Variants in PRLR observed in about 807,000 individuals in gnomAD.
PRLR encodes hPRL receptor.
PRLR carries 13 observed loss-of-function variants against 40.2 expected under a neutral mutation model. That is an observed-to-expected ratio of 0.32 (90% CI 0.21 to 0.51). The LOEUF is 0.51. Among genes scored for constraint, PRLR ranks in the 20% least tolerant of loss-of-function variants. PRLR has a pLI of 0.97. For missense variants in PRLR, 656 were observed against 747.3 expected, an observed-to-expected ratio of 0.88 and a Z score of 1.42; for synonymous variants, 269 against 278.7, an observed-to-expected ratio of 0.97 and a Z score of 0.35.
At chr5:35,205,900 T>C (rs568818964) in intron 1 of PRLR, among the ~76,000 whole-genome samples, 45 of 152,312 alleles carry the variant, frequency 3.0e-4, no homozygotes, top group African/African-American at 1.1e-3. Context: ...ACACATTACA[T>C]ATGCTCAGTG....
intron 1 of PRLR, among the ~76,000 whole-genome samples, chr5:35,189,028 G>A (rs1477546928): frequency 1.3e-5 from 2 of 152,086 alleles, no homozygotes; most frequent in Non-Finnish European, 2.9e-5. Flanking sequence ...GATTATGAGG[G>A]TGAGCCCTAT....
At chr5:35,199,160 CA>C (rs35281591) in intron 1 of PRLR, among the ~76,000 whole-genome samples, 15,000 of 152,098 alleles carry the variant, frequency 0.099, 934 homozygotes, top group Non-Finnish European at 0.13. Flanking sequence ...GAGGCTCATG[CA>C]GTTCCCAAAT....
chr5:35,142,531 C>A (rs1774055197), intron 1 of PRLR, among the ~76,000 whole-genome samples: 1 of 152,174 alleles, frequency 6.6e-6, no homozygotes, highest in Non-Finnish European at 1.5e-5. Context: ...CCAGTGTGAG[C>A]AGGACCATTC....
chr5:35,089,718 TCCA>T (rs1410817908), intron 2 of PRLR, 55 bp from the exon 3 acceptor site: 1 of 1,074,274 alleles, frequency 9.3e-7, no homozygotes, highest in African/African-American at 1.6e-5. Context: ...GTCAGGCACA[TCCA>T]CCACTTTATT....
downstream of PRLR, among the ~76,000 whole-genome samples, chr5:35,050,732 A>G (rs1237493493): frequency 6.6e-6 from 1 of 152,216 alleles, no homozygotes; most frequent in Non-Finnish European, 1.5e-5. Flanking sequence ...TCAATAATAG[A>G]GTCCAGTAAG....
chr5:35,186,021 A>C (rs552203001), intron 1 of PRLR, among the ~76,000 whole-genome samples: 31 of 152,164 alleles, frequency 2.0e-4, no homozygotes, highest in Non-Finnish European at 3.8e-4. Context: ...GACAGTCGCC[A>C]TATATGGATC....
intron 5 of PRLR, among the ~76,000 whole-genome samples, chr5:35,078,903 C>T (rs374539889): frequency 6.6e-6 from 1 of 152,190 alleles, no homozygotes; most frequent in Non-Finnish European, 1.5e-5. Flanking sequence ...GCTGGTTCAA[C>T]ATATGCAAAT....
intron 2 of PRLR, among the ~76,000 whole-genome samples, chr5:35,099,901 GC>G (rs1226563550): frequency 1.3e-5 from 2 of 152,232 alleles, no homozygotes; most frequent in Non-Finnish European, 2.9e-5. Context: ...TCAAGGCCAG[GC>G]ACGGTGGTTC....
At chr5:35,116,516 A>C (rs72734544) in intron 2 of PRLR, among the ~76,000 whole-genome samples, 1,979 of 152,346 alleles carry the variant, frequency 0.013, 15 homozygotes, top group Middle Eastern at 0.024. Flanking sequence ...GAGCTTTGCA[A>C]CACAGCTCTG....
intron 2 of PRLR, among the ~76,000 whole-genome samples, chr5:35,109,756 T>C (rs974991907): frequency 6.6e-6 from 1 of 152,212 alleles, no homozygotes; most frequent in Admixed American, 6.5e-5. Flanking sequence ...GGAACACTTT[T>C]ACACTATTGG....
chr5:35,062,966 A>C lies in PRLR; in HGVS notation c.*2123T>G, dbSNP rs1039261185. Reference sequence around the variant, plus strand: ...GTTACTATGAACTAAAATAACCTTTAGTGGAAATGGTTGTCTAGAACAATG... The same window carrying C: ...GTTACTATGAACTAAAATAACCTTTCGTGGAAATGGTTGTCTAGAACAATG... On this transcript the variant is annotated 3_prime_UTR_variant, in exon 10 of 10. Coordinates refer to ENST00000618457, the MANE Select transcript of PRLR (RefSeq NM_000949.7). The C allele has an allele frequency of 6.6e-6, 1 of 152,210 alleles. No individual in the cohort carries two copies. Among genetic ancestry groups the C allele is most frequent in the African/African-American group, 2.4e-5 (1 of 41,468 alleles). The allele number at this position is 152,210 out of a possible 1,614,324, so 9.4% of individuals were successfully genotyped here. A position where few individuals can be genotyped will look rare whatever the true frequency, so the allele number is the denominator to read the frequency against.
chr5:35,068,372 C>T, intron 8 of PRLR, 87 bp from the exon 9 acceptor site: 1 of 1,171,034 alleles, frequency 8.5e-7, no homozygotes, highest in Non-Finnish European at 1.3e-6. Flanking sequence ...ACTATAGGGA[C>T]TGTGATAGAG....
intron 1 of PRLR, among the ~76,000 whole-genome samples, chr5:35,184,712 A>C (rs1334886971): frequency 6.6e-6 from 1 of 152,060 alleles, no homozygotes; most frequent in Non-Finnish European, 1.5e-5. Flanking sequence ...GAATGATTCT[A>C]CTTGGCCAAA....
chr5:35,204,214 C>CAAA (rs536343549), intron 1 of PRLR, among the ~76,000 whole-genome samples: 2 of 114,100 alleles, frequency 1.8e-5, no homozygotes, highest in Non-Finnish European at 1.8e-5. Flanking sequence ...ATTTCTGTCT[C>CAAA]AAAAAAAAAA....
chr5:35,217,314 A>C (rs1475817298), intron 1 of PRLR, among the ~76,000 whole-genome samples: 1 of 152,072 alleles, frequency 6.6e-6, no homozygotes, highest in Non-Finnish European at 1.5e-5. Context: ...CTGATACTTA[A>C]CTCTGTCTAG....
intron 3 of PRLR, among the ~76,000 whole-genome samples, chr5:35,089,224 C>A (rs1045040833): frequency 6.6e-6 from 1 of 152,100 alleles, no homozygotes; most frequent in Admixed American, 6.5e-5. Flanking sequence ...TTTGGAAACC[C>A]AGAGAGTTAG....
intron 1 of PRLR, among the ~76,000 whole-genome samples, chr5:35,197,882 G>T (rs989018237): frequency 6.6e-6 from 1 of 152,252 alleles, no homozygotes; most frequent in Non-Finnish European, 1.5e-5. Context: ...CCTTGGACAT[G>T]CAATTGCATG....
At chr5:35,126,170 A>G (rs1773457741) in intron 1 of PRLR, among the ~76,000 whole-genome samples, 1 of 152,210 alleles carries the variant, frequency 6.6e-6, no homozygotes, top group Non-Finnish European at 1.5e-5. Context: ...ATCTTAAGCT[A>G]TTAAGTTGAG....
At chr5:35,052,215 T>A (rs1353253602), downstream of PRLR, among the ~76,000 whole-genome samples, 4 of 152,160 alleles carry the variant, frequency 2.6e-5, no homozygotes, top group Non-Finnish European at 5.9e-5. Flanking sequence ...TTGAACCTAA[T>A]AATGTTTGCA....
Sources: gnomAD v4.1 joint callset for allele counts (sites outside exome capture counted in the v4.1 genomes callset) on GRCh38, gnomAD v4.1.1 for gene constraint, MANE v1.5 for transcripts, NCBI Gene and HGNC (gene_info 2026-07-23, HGNC 2026-07-21) for gene names.